LRMDA: variants seen among roughly 807,000 people sequenced by gnomAD.
The protein encoded by LRMDA is leucine-rich melanocyte differentiation-associated protein.
In LRMDA, 18 loss-of-function variants were observed where a neutral mutation model predicts 29.8. That is an observed-to-expected ratio of 0.60 (90% CI 0.42 to 0.90). LRMDA has a LOEUF of 0.90. Among genes scored for constraint, LRMDA ranks in the 40% least tolerant of loss-of-function variants. The pLI is 0.00. For synonymous variants in LRMDA, 125 were observed against 109.4 expected (o/e 1.14, Z -0.89); for missense variants, 273 against 273.9 (o/e 1.00, Z 0.02).
intron 2 of LRMDA, among the ~76,000 whole-genome samples, chr10:75,479,226 G>A (rs1027140550): frequency 3.3e-5 from 5 of 152,094 alleles, no homozygotes; most frequent in African/African-American, 7.2e-5. Flanking sequence ...ACACCCAACC[G>A]GCTTGGTGTG....
At chr10:76,280,450 T>C (rs1391995819) in intron 5 of LRMDA, among the ~76,000 whole-genome samples, 1 of 152,226 alleles carries the variant, frequency 6.6e-6, no homozygotes, top group African/African-American at 2.4e-5. Flanking sequence ...CAAACGTTTT[T>C]GCATTGTCTA....
chr10:75,719,980 CT>C (rs1323220921), intron 2 of LRMDA, among the ~76,000 whole-genome samples: 2 of 152,076 alleles, frequency 1.3e-5, no homozygotes, highest in African/African-American at 4.8e-5. Flanking sequence ...CTCTGTGTAC[CT>C]AAAGTACACA....
At chr10:76,379,297 G>A (rs550640280) in intron 6 of LRMDA, among the ~76,000 whole-genome samples, 1 of 151,724 alleles carries the variant, frequency 6.6e-6, no homozygotes, top group African/African-American at 2.4e-5. Flanking sequence ...CTTTCACTAC[G>A]ATTGGTGCCA....
At chr10:76,384,445 A>G (rs1231756462) in intron 6 of LRMDA, among the ~76,000 whole-genome samples, 2 of 152,244 alleles carry the variant, frequency 1.3e-5, no homozygotes, top group African/African-American at 4.8e-5. Context: ...TGTTATATCC[A>G]GACCTGTCTG....
At chr10:75,582,307 G>T (rs969879983) in intron 2 of LRMDA, among the ~76,000 whole-genome samples, 1 of 152,220 alleles carries the variant, frequency 6.6e-6, no homozygotes, top group Non-Finnish European at 1.5e-5. Context: ...TGGACATCCA[G>T]GCTTTTGCAT....
chr10:75,616,427 CAATT>C (rs1335718495), intron 2 of LRMDA, among the ~76,000 whole-genome samples: 2 of 151,976 alleles, frequency 1.3e-5, no homozygotes, highest in African/African-American at 4.8e-5. Context: ...AAAAGTAAAT[CAATT>C]AAAGGAAAAA....
rs959692715 is a variant in LRMDA, at chr10:75,755,070, T to G, written c.132-280938T>G. Reference sequence around the variant, plus strand: ...TTTTTTTTTGTTTGTTTTGTTTTGTTTTTTTAAACTTTTGGCTGCTTTCTA... The same window carrying G: ...TTTTTTTTTGTTTGTTTTGTTTTGTGTTTTTAAACTTTTGGCTGCTTTCTA... On this transcript the variant is annotated intron_variant, in intron 2 of 6. Coordinates refer to ENST00000611255, the MANE Select transcript of LRMDA (RefSeq NM_001305581.2). Among the ~76,000 whole-genome samples the G allele has an allele frequency of 1.5e-4, 23 of 152,290 alleles. 1 individual carries two copies. Among genetic ancestry groups the G allele is most frequent in the South Asian group, 4.1e-4 (2 of 4,820 alleles).
At chr10:75,644,782 A>G (rs1318327911) in intron 2 of LRMDA, among the ~76,000 whole-genome samples, 1 of 152,162 alleles carries the variant, frequency 6.6e-6, no homozygotes, top group Non-Finnish European at 1.5e-5. Flanking sequence ...GAGGTCCTGG[A>G]AAGGATGTAA....
intron 3 of LRMDA, among the ~76,000 whole-genome samples, chr10:76,036,886 C>T (rs979558173): frequency 6.6e-6 from 1 of 152,162 alleles, no homozygotes; most frequent in African/African-American, 2.4e-5. Context: ...ACTAGAATGC[C>T]AGCTCGATGG....
intron 6 of LRMDA, among the ~76,000 whole-genome samples, chr10:76,461,440 T>G (rs1411462615): frequency 6.6e-6 from 1 of 152,196 alleles, no homozygotes; most frequent in Non-Finnish European, 1.5e-5. Context: ...AGCAACCTGT[T>G]GGTGCCTTTA....
At chr10:76,177,980 G>C (rs899671041) in intron 5 of LRMDA, among the ~76,000 whole-genome samples, 15 of 152,208 alleles carry the variant, frequency 9.9e-5, no homozygotes, top group Non-Finnish European at 2.1e-4. Flanking sequence ...CCCCCATGCT[G>C]CTTAGCTCAC....
chr10:75,560,513 A>G (rs1032165895), intron 2 of LRMDA, among the ~76,000 whole-genome samples: 10 of 151,814 alleles, frequency 6.6e-5, no homozygotes, highest in African/African-American at 2.4e-4. Flanking sequence ...TTCCTCATTG[A>G]ATACCCTTTA....
At chr10:76,534,397 A>T (rs549081727) in intron 6 of LRMDA, among the ~76,000 whole-genome samples, 1 of 152,256 alleles carries the variant, frequency 6.6e-6, no homozygotes, top group Admixed American at 6.5e-5. Flanking sequence ...TTCATGACCA[A>T]GGCTTTTGAG....
chr10:76,525,634 G>A (rs1171539296), intron 6 of LRMDA, among the ~76,000 whole-genome samples: 1 of 152,026 alleles, frequency 6.6e-6, no homozygotes, highest in East Asian at 1.9e-4. Flanking sequence ...ATGGTCTTTA[G>A]TAATTTATAA....
intron 5 of LRMDA, among the ~76,000 whole-genome samples, chr10:76,216,451 A>G (rs575507657): frequency 1.3e-5 from 2 of 152,362 alleles, no homozygotes; most frequent in South Asian, 4.1e-4. Flanking sequence ...AAGAGTATGT[A>G]AAGAACTCCT....
chr10:76,310,218 G>T (rs1037719343), intron 5 of LRMDA, among the ~76,000 whole-genome samples: 1 of 152,144 alleles, frequency 6.6e-6, no homozygotes, highest in African/African-American at 2.4e-5. Flanking sequence ...GCGTTCAGTA[G>T]TCCAAAAATA....
intron 2 of LRMDA, among the ~76,000 whole-genome samples, chr10:75,634,503 C>G (rs1440123315): frequency 6.6e-6 from 1 of 152,176 alleles, no homozygotes; most frequent in Non-Finnish European, 1.5e-5. Context: ...CAGCTGCTGC[C>G]TATAGACACA....
chr10:76,523,966 G>T (rs1294557594), intron 6 of LRMDA, among the ~76,000 whole-genome samples: 2 of 152,182 alleles, frequency 1.3e-5, no homozygotes, highest in African/African-American at 4.8e-5. Context: ...TGGTTGTAAA[G>T]AATAAATGGC....
intron 3 of LRMDA, among the ~76,000 whole-genome samples, chr10:76,040,009 AG>A (rs1030505572): frequency 1.3e-5 from 2 of 152,140 alleles, no homozygotes; most frequent in African/African-American, 4.8e-5. Flanking sequence ...GCATTCCGTG[AG>A]TTGGGTACTG....
Sources: allele counts gnomAD v4.1 joint callset (sites outside exome capture counted in the v4.1 genomes callset), GRCh38; gene constraint gnomAD v4.1.1; transcripts MANE v1.5; gene names NCBI Gene and HGNC (gene_info 2026-07-23, HGNC 2026-07-21).